The following SLC35F5 variants were observed in gnomAD, a reference collection of about 807,000 sequenced individuals.
SLC35F5 encodes the protein solute carrier family 35 member F5.
Under a neutral mutation model 68.6 loss-of-function variants are expected in SLC35F5, and 54 were observed. The observed-to-expected ratio is 0.79, with a 90% CI of 0.63 to 0.99. SLC35F5 has a LOEUF of 0.99. Among genes scored for constraint, SLC35F5 ranks in the 50% least tolerant of loss-of-function variants. The pLI, the probability that SLC35F5 is intolerant of heterozygous loss-of-function variation, is 0.00. For missense variants in SLC35F5, 567 were observed against 626.9 expected (o/e 0.90, Z 1.02); for synonymous variants, 211 against 205.2 (o/e 1.03, Z -0.24).
rs74545459 is a variant in SLC35F5 at position 113,738,659 on chromosome 2, G to GAA, written c.751-2803_751-2802dup. Among the ~76,000 whole-genome samples, 1,209 of 132,512 alleles carry GAA rather than the reference G, an allele frequency of 9.1e-3. 14 individuals are homozygous for GAA. The highest frequency in any genetic ancestry group is 0.031 in the African/African-American group (1,150 of 36,548). 86.9% of individuals were successfully genotyped at this position (132,512 alleles called of 152,430 possible). On this transcript the variant is annotated intron_variant, in intron 7 of 15. Transcript: ENST00000245680. The stretch of plus-strand genomic sequence containing the variant: ...AGTATCACCTAAATTACATTTTACA[G>GAA]AAAAAAAAAAAACAACCTAGTAAGA...
chr2:113,719,821 C>T (rs1559320472), intron 13 of SLC35F5: 1 of 151,600 alleles, frequency 6.6e-6, no homozygotes, highest in Admixed American at 6.6e-5. Context: ...ACTCAAAACT[C>T]GCTTATCTAG....
At position 113,744,525 on chromosome 2, in the gene SLC35F5, G is replaced by A. The variant is rs113812201; in HGVS notation, c.481-731C>T. Among the ~76,000 whole-genome samples, 972 of 152,190 alleles carry A rather than the reference G, an allele frequency of 6.4e-3. 11 individuals carry two copies. Among genetic ancestry groups the A allele is most frequent in the African/African-American group, 0.02 (834 of 41,524 alleles). Reference sequence around the variant, plus strand: ...ACTTTGGGAGGCGAGGCTGAGGCGGGCAGATCACTTGAGGTCGGGAGTTCG... The same window carrying A: ...ACTTTGGGAGGCGAGGCTGAGGCGGACAGATCACTTGAGGTCGGGAGTTCG... On this transcript the variant is annotated intron_variant, in intron 5 of 15. Transcript: ENST00000245680.
chr2:113,728,116 C>T (rs569377041), intron 11 of SLC35F5, among the ~76,000 whole-genome samples: 1 of 152,300 alleles, frequency 6.6e-6, no homozygotes, highest in South Asian at 2.1e-4. Flanking sequence ...CTCAGCCTCT[C>T]ATGCAGCTGG....
intron 12 of SLC35F5, among the ~76,000 whole-genome samples, chr2:113,724,953 A>C (rs919513393): frequency 6.6e-6 from 1 of 152,180 alleles, no homozygotes; most frequent in African/African-American, 2.4e-5. Flanking sequence ...ACACCTATGA[A>C]CAAGCAAACA....
At chr2:113,754,431 G>A (rs1043751153) in intron 3 of SLC35F5, among the ~76,000 whole-genome samples, 4 of 151,996 alleles carry the variant, frequency 2.6e-5, no homozygotes, top group Non-Finnish European at 2.9e-5. Flanking sequence ...ATAAATGCCA[G>A]TTTCCTGCTG....
chr2:113,755,468 C>T lies in SLC35F5; in HGVS notation c.117G>A (p.Arg39=). ...FSGIALEDLR[R]ALKTRLQMVC... is the part of the protein sequence containing the mutation. Reference sequence around the variant, plus strand: ...GTGGAATCTACCTTGTCTTAAGAGCCCTTCTGAGATCCTCAAGAGCAATGC... The same window carrying T: ...GTGGAATCTACCTTGTCTTAAGAGCTCTTCTGAGATCCTCAAGAGCAATGC... Residue 39 remains arginine, a synonymous_variant, in exon 2 of 16, where the codon AGG becomes AGA. Coordinates refer to ENST00000245680, the MANE Select transcript of SLC35F5 (RefSeq NM_025181.5). 1.2e-6 allele frequency: 2 copies of T among 1,614,038 alleles called. No homozygotes were observed. Among genetic ancestry groups the T allele is most frequent in the Non-Finnish European group, 1.7e-6 (2 of 1,180,000 alleles).
chr2:113,706,155 T>C (rs1023476584), downstream of SLC35F5, among the ~76,000 whole-genome samples: 3 of 152,184 alleles, frequency 2.0e-5, no homozygotes, highest in Non-Finnish European at 4.4e-5. Flanking sequence ...CTGCTTGACC[T>C]GAGGTCTGCG....
In SLC35F5 at chr2:113,710,750, A is replaced by G. The variant is rs551237046; in HGVS notation, c.*4468T>C. 6.6e-5 allele frequency among the ~76,000 whole-genome samples: 10 copies of G among 151,824 alleles called. 1 individual carries two copies. Among genetic ancestry groups the G allele is most frequent in the Admixed American group, 2.6e-4 (4 of 15,206 alleles). ...CTGCCACTGCACTCCAGCCTGGGTGACAGAGTGAGACCCCATCTCAAAAAA... is the reference window on the plus strand; with the variant it reads ...CTGCCACTGCACTCCAGCCTGGGTGGCAGAGTGAGACCCCATCTCAAAAAA... On this transcript the variant is annotated 3_prime_UTR_variant, in exon 16 of 16. Transcript: ENST00000245680.
At chr2:113,731,702 C>A in intron 9 of SLC35F5, 54 bp from the exon 10 acceptor site, 1 of 1,388,110 alleles carries the variant, frequency 7.2e-7, no homozygotes, top group African/African-American at 1.4e-5. Flanking sequence ...AAAGCCTAAT[C>A]ATGAAGATAA....
Position 113,733,674 on chromosome 2 carries a change from C to T in SLC35F5, c.920+912G>A, listed in dbSNP as rs1687981094. Among the ~76,000 whole-genome samples, 3 of 152,202 alleles carry T rather than the reference C, an allele frequency of 2.0e-5. No homozygotes were observed. In the South Asian group the frequency reaches 6.2e-4, roughly 31 times the overall value. On this transcript the variant is annotated intron_variant, in intron 9 of 15. Transcript: ENST00000245680. ...AAAGAAAAACATTTAATATTAAGAG[C>T]TACCAGTTTTCTATGATTGCCCAAT...
At position 113,712,606 on chromosome 2, in the gene SLC35F5, C is replaced by T. The variant is rs1559307826; in HGVS notation, c.*2612G>A. ...CTGGGACTACAGGCGTGAGCCACCA[C>T]GCCCGGCCCAAAAGCATTTACTGTT... On this transcript the variant is annotated 3_prime_UTR_variant, in exon 16 of 16. Transcript: ENST00000245680. 6.6e-6 allele frequency among the ~76,000 whole-genome samples: 1 copy of T among 152,240 alleles called. No individual in the cohort carries two copies. Among genetic ancestry groups the T allele is most frequent in the Non-Finnish European group, 1.5e-5 (1 of 68,038 alleles).
intron 7 of SLC35F5, 99 bp downstream of exon 7, chr2:113,742,593 C>T (rs1268391368): frequency 1.2e-5 from 15 of 1,229,940 alleles, no homozygotes; most frequent in Non-Finnish European, 1.7e-5. Flanking sequence ...GATTAAACAA[C>T]CTAATTGTCT....
chr2:113,740,482 G>C, intron 7 of SLC35F5, among the ~76,000 whole-genome samples: 1 of 152,166 alleles, frequency 6.6e-6, no homozygotes, highest in East Asian at 1.9e-4. Flanking sequence ...GGTATGTGCA[G>C]ATAATAGTGT....
Position 113,715,211 on chromosome 2 carries a change from A to G in SLC35F5, c.*23-16T>C, listed in dbSNP as rs1421099283. On this transcript the variant is annotated splice_polypyrimidine_tract_variant and intron_variant, in intron 15 of 15. Transcript: ENST00000245680. The stretch of plus-strand genomic sequence containing the variant: ...CATTATCAAGCTAAAAACAGAAACC[A>G]CAGAAATGTGATTAGATTATAATTT... The G allele has an allele frequency of 2.6e-5, 4 of 152,162 alleles. No homozygotes were observed. Among genetic ancestry groups the G allele is most frequent in the Non-Finnish European group, 4.4e-5 (3 of 67,988 alleles). The allele number at this position is 152,162 out of a possible 1,614,324, so 9.4% of individuals were successfully genotyped here. A position where few individuals can be genotyped will look rare whatever the true frequency, so the allele number is the denominator to read the frequency against.
chr2:113,756,227 C>G lies in SLC35F5; in HGVS notation c.40+143G>C. The G allele has an allele frequency of 3.3e-6, 5 of 1,521,092 alleles. No homozygotes were observed. In the South Asian group the frequency reaches 4.9e-5, roughly 15 times the overall value. The allele number at this position is 1,521,092 out of a possible 1,614,324, so 94.2% of individuals were successfully genotyped here. Reference sequence around the variant, plus strand: ...CAGGGCTCCGGCGCCCCTGTCAGCTCCCGCTCCCTCCGCCCCTAGAGACCT... The same window carrying G: ...CAGGGCTCCGGCGCCCCTGTCAGCTGCCGCTCCCTCCGCCCCTAGAGACCT... On this transcript the variant is annotated intron_variant, in intron 1 of 15. Transcript: ENST00000245680.
intron 9 of SLC35F5, chr2:113,733,449 TTAAA>T (rs1415596916): frequency 5.3e-5 from 15 of 285,414 alleles, no homozygotes; most frequent in African/African-American, 3.3e-4. Context: ...AGCACATATT[TTAAA>T]TAAAGTTAAA....
chr2:113,734,818 G>GTTAAGTA, intron 8 of SLC35F5, 145 bp from the exon 9 acceptor site: 1 of 600,234 alleles, frequency 1.7e-6, no homozygotes, highest in Non-Finnish European at 3.0e-6. Context: ...AATGACTGCA[G>GTTAAGTA]TTAAGTAATG....
chr2:113,740,414 G>A (rs1676211834), intron 7 of SLC35F5, among the ~76,000 whole-genome samples: 2 of 152,284 alleles, frequency 1.3e-5, no homozygotes, highest in South Asian at 4.1e-4. Flanking sequence ...AAAACTCTGA[G>A]AGAAATGTAC....
In SLC35F5 at chr2:113,708,669, GC is replaced by G. The variant is rs1456520196; in HGVS notation, c.*6548del. Among the ~76,000 whole-genome samples the G allele has an allele frequency of 6.6e-6, 1 of 152,084 alleles. No homozygotes were observed. Among genetic ancestry groups the G allele is most frequent in the Non-Finnish European group, 1.5e-5 (1 of 68,018 alleles). ...TAGAGTGAGCCGAGATCGTGCCACT[GC>G]ACTTCAGCCTGGGCAATGGAGTGAG... On this transcript the variant is annotated 3_prime_UTR_variant, in exon 16 of 16. Transcript: ENST00000245680.
Sources: gnomAD v4.1 joint callset for allele counts (sites outside exome capture counted in the v4.1 genomes callset) on GRCh38, gnomAD v4.1.1 for gene constraint, MANE v1.5 for transcripts, NCBI Gene and HGNC (gene_info 2026-07-23, HGNC 2026-07-21) for gene names.